The following DAB1 variants were observed in gnomAD, a reference collection of about 807,000 sequenced individuals.
DAB1 encodes the protein disabled homolog 1.
Under a neutral mutation model 64.6 loss-of-function variants are expected in DAB1, and 15 were observed. That is an observed-to-expected ratio of 0.23 (90% CI 0.16 to 0.36). The LOEUF (loss-of-function observed/expected upper bound fraction) is 0.36. Ranked by LOEUF, DAB1 falls within the 10% of genes least tolerant of loss-of-function variation. DAB1 has a pLI of 1.00. For synonymous variants in DAB1, 235 were observed against 251.9 expected (o/e 0.93, Z 0.64); for missense variants, 596 against 706.7 (o/e 0.84, Z 1.78).
chr1:57,417,038 G>A (rs1194764969), intron 1 of DAB1, among the ~76,000 whole-genome samples: 2 of 152,110 alleles, frequency 1.3e-5, no homozygotes, highest in African/African-American at 4.8e-5. Context: ...AGAGAATTCA[G>A]TGGAATTGTT....
At chr1:58,466,806 G>C (rs1645301546) in intron 3 of DAB1, among the ~76,000 whole-genome samples, 1 of 152,152 alleles carries the variant, frequency 6.6e-6, no homozygotes, top group African/African-American at 2.4e-5. Flanking sequence ...TCCCATAACT[G>C]GTCTGTGCAG....
intron 1 of DAB1, among the ~76,000 whole-genome samples, chr1:57,380,242 C>T (rs1199032310): frequency 6.6e-6 from 1 of 152,076 alleles, no homozygotes; most frequent in African/African-American, 2.4e-5. Context: ...AAGAGTGAAG[C>T]CATCTGATCT....
intron 2 of DAB1, among the ~76,000 whole-genome samples, chr1:57,218,651 T>C (rs902398865): frequency 1.3e-5 from 2 of 151,404 alleles, no homozygotes; most frequent in Non-Finnish European, 1.5e-5. Flanking sequence ...GCCATGATCA[T>C]GAACCAGGGT....
At chr1:57,965,847 C>T (rs759549230) in intron 5 of DAB1, among the ~76,000 whole-genome samples, 3 of 152,038 alleles carry the variant, frequency 2.0e-5, no homozygotes, top group Non-Finnish European at 2.9e-5. Flanking sequence ...AGAAATAGAC[C>T]ATTAAAGTGG....
Position 58,048,775 on chromosome 1 carries a change from T to A in DAB1, n.387+101736A>T, listed in dbSNP as rs551720065. The A allele has an allele frequency of 3.4e-5, 41 of 1,207,288 alleles. No individual in the cohort carries two copies. In the African/African-American group the frequency reaches 3.9e-4, roughly 11 times the overall value. 74.8% of individuals were successfully genotyped at this position (1,207,288 alleles called of 1,614,324 possible). A position where few individuals can be genotyped will look rare whatever the true frequency, so the allele number is the denominator to read the frequency against. On this transcript the variant is annotated intron_variant and non_coding_transcript_variant, in intron 5 of 20. Coordinates refer to the DAB1 transcript ENST00000485760. ...CAGGGCTTTCCTAACTTCACAGTTG[T>A]GGCCATTCACAGTATAGTATTTCTG...
intron 7 of DAB1, among the ~76,000 whole-genome samples, chr1:57,480,885 G>T (rs377250228): frequency 4.0e-4 from 61 of 152,158 alleles, no homozygotes; most frequent in African/African-American, 1.4e-3. Flanking sequence ...TGTGACTAAA[G>T]CCCGCCCTCT....
chr1:58,360,377 A>G (rs1431596072), intron 3 of DAB1, among the ~76,000 whole-genome samples: 1 of 152,192 alleles, frequency 6.6e-6, no homozygotes. Flanking sequence ...TATAAAACAC[A>G]TTTGTGGATG....
At chr1:58,414,470 A>G (rs114119789) in intron 3 of DAB1, among the ~76,000 whole-genome samples, 398 of 152,352 alleles carry the variant, frequency 2.6e-3, no homozygotes, top group African/African-American at 8.9e-3. Context: ...GAATGCAAAG[A>G]ATGTATTTTG....
intron 7 of DAB1, among the ~76,000 whole-genome samples, chr1:57,488,096 C>A (rs771993542): frequency 6.6e-6 from 1 of 152,014 alleles, no homozygotes; most frequent in Non-Finnish European, 1.5e-5. Flanking sequence ...AATTGGTATG[C>A]ACATTAAAAA....
intron 5 of DAB1, among the ~76,000 whole-genome samples, chr1:57,912,479 C>T (rs543426207): frequency 6.6e-6 from 1 of 152,154 alleles, no homozygotes; most frequent in Admixed American, 6.5e-5. Context: ...AACACACAGC[C>T]AATATCATAC....
chr1:57,799,938 T>C (rs753244718), intron 6 of DAB1, among the ~76,000 whole-genome samples: 38 of 152,198 alleles, frequency 2.5e-4, no homozygotes, highest in Non-Finnish European at 2.5e-4. Flanking sequence ...ATATTTACTA[T>C]CTGGCCCTTT....
At chr1:58,341,569 GAAT>G (rs1315051255) in intron 4 of DAB1, among the ~76,000 whole-genome samples, 6 of 152,256 alleles carry the variant, frequency 3.9e-5, no homozygotes, top group Admixed American at 2.0e-4. Flanking sequence ...CAGATAAGTG[GAAT>G]ACTCAGATGG....
At chr1:57,455,637 A>G (rs1686559357) in intron 7 of DAB1, among the ~76,000 whole-genome samples, 1 of 152,154 alleles carries the variant, frequency 6.6e-6, no homozygotes, top group South Asian at 2.1e-4. Context: ...AAATTACTGC[A>G]GTAGGCATGG....
intron 2 of DAB1, among the ~76,000 whole-genome samples, chr1:57,189,682 T>C (rs370520205): frequency 6.6e-6 from 1 of 152,188 alleles, no homozygotes; most frequent in Admixed American, 6.5e-5. Context: ...GTTAGGCCTA[T>C]GGACCAACCA....
At chr1:58,103,825 T>C (rs1651474562) in intron 5 of DAB1, among the ~76,000 whole-genome samples, 1 of 152,148 alleles carries the variant, frequency 6.6e-6, no homozygotes, top group Non-Finnish European at 1.5e-5. Context: ...CCAGTCTTTT[T>C]GTCCATTCCT....
At chr1:58,069,569 C>A (rs779044965) in intron 5 of DAB1, among the ~76,000 whole-genome samples, 2 of 152,076 alleles carry the variant, frequency 1.3e-5, no homozygotes, top group Non-Finnish European at 2.9e-5. Context: ...AATTAACAAG[C>A]CCCAGTTCAC....
chr1:57,409,999 T>A (rs1176538936), intron 1 of DAB1, among the ~76,000 whole-genome samples: 1 of 152,236 alleles, frequency 6.6e-6, no homozygotes, highest in African/African-American at 2.4e-5. Context: ...CACATTCTAT[T>A]AACTGTGTAA....
intron 7 of DAB1, among the ~76,000 whole-genome samples, chr1:57,611,518 G>A (rs554071724): frequency 6.6e-6 from 1 of 152,274 alleles, no homozygotes; most frequent in Non-Finnish European, 1.5e-5. Context: ...CTGTGGCTTA[G>A]CCATCTCTCT....
At chr1:57,222,574 G>A (rs1044230895) in intron 2 of DAB1, among the ~76,000 whole-genome samples, 1 of 150,298 alleles carries the variant, frequency 6.7e-6, no homozygotes, top group Non-Finnish European at 1.5e-5. Flanking sequence ...AGGGAGAAAT[G>A]GGGAGAAAGC....
Sources: allele counts gnomAD v4.1 joint callset (sites outside exome capture counted in the v4.1 genomes callset), GRCh38; gene constraint gnomAD v4.1.1; transcripts MANE v1.5; gene names NCBI Gene and HGNC (gene_info 2026-07-23, HGNC 2026-07-21).